Variants in RASSF8 observed in about 807,000 individuals in gnomAD.
RASSF8 encodes Ras association domain family member 8.
In RASSF8, 22 loss-of-function variants were observed where a neutral mutation model predicts 48.5. The ratio of observed to expected loss-of-function variants is 0.45; its 90% CI spans 0.32 to 0.65. The LOEUF is 0.65. Ranked by LOEUF, RASSF8 falls within the 30% of genes least tolerant of loss-of-function variation. The pLI is 0.03. For synonymous variants in RASSF8, 127 were observed against 171.5 expected (o/e 0.74, Z 2.03); for missense variants, 418 against 489.2 (o/e 0.85, Z 1.37).
Position 26,071,933 on chromosome 12 carries a change from C to A in RASSF8, c.*3115C>A. 1.0e-6 allele frequency: 1 copy of A among 985,322 alleles called. No homozygotes were observed. The highest frequency in any genetic ancestry group is 1.2e-6 in the Non-Finnish European group (1 of 829,850). The allele number at this position is 985,322 out of a possible 1,614,324, so 61.0% of individuals were successfully genotyped here. ...TACATCTGCATTAAAGGATAATTTT[C>A]TCTGTGAATAAGAGCAAAATGGTCT... On this transcript the variant is annotated 3_prime_UTR_variant, in exon 6 of 6. Transcript: ENST00000689635.
intron 3 of RASSF8, among the ~76,000 whole-genome samples, chr12:26,057,740 A>G (rs1313580276): frequency 1.3e-5 from 2 of 152,206 alleles, no homozygotes; most frequent in Admixed American, 6.6e-5. Flanking sequence ...TTACAGTCCC[A>G]CCAACAGTGT....
rs575571416 is a variant in RASSF8, at chr12:25,965,027, C to G, written c.-203+5879C>G. Among the ~76,000 whole-genome samples, 26 of 151,194 alleles carry G rather than the reference C, an allele frequency of 1.7e-4. 1 individual carries two copies. The East Asian group carries it at 5.2e-3, about 30-fold the overall frequency. ...GCACGATCTTGGCTCACTGCAAGCT[C>G]CGCCTCCCGGGTTCATGCCATTCTC... On this transcript the variant is annotated intron_variant, in intron 1 of 5. Coordinates refer to ENST00000689635, the MANE Select transcript of RASSF8 (RefSeq NM_001394098.1).
intron 2 of RASSF8, among the ~76,000 whole-genome samples, chr12:26,009,233 A>G (rs1414324472): frequency 2.6e-5 from 4 of 152,232 alleles, no homozygotes; most frequent in Non-Finnish European, 4.4e-5. Context: ...TTCCACACTC[A>G]TGATGGAATT....
downstream of RASSF8, among the ~76,000 whole-genome samples, chr12:26,077,344 G>T (rs7306344): frequency 0.81 from 123,636 of 152,130 alleles, 50,469 homozygotes; most frequent in African/African-American, 0.89. Context: ...CCCATGCCTA[G>T]GTCCTCAATA....
chr12:26,029,701 T>A (rs1161778335), intron 2 of RASSF8, among the ~76,000 whole-genome samples: 1 of 152,206 alleles, frequency 6.6e-6, no homozygotes, highest in Admixed American at 6.5e-5. Context: ...CTTTTGTTAT[T>A]AAAACTTAAA....
chr12:26,026,531 G>C (rs1293643176), intron 2 of RASSF8, among the ~76,000 whole-genome samples: 1 of 152,084 alleles, frequency 6.6e-6, no homozygotes, highest in African/African-American at 2.4e-5. Flanking sequence ...CACCTCCCGG[G>C]TTCAAGTGAC....
At chr12:26,029,289 G>T (rs576865070) in intron 2 of RASSF8, among the ~76,000 whole-genome samples, 9 of 152,278 alleles carry the variant, frequency 5.9e-5, no homozygotes, top group Non-Finnish European at 1.2e-4. Context: ...ATATGTTTTA[G>T]CTGGGGAAAG....
chr12:26,027,800 G>T (rs985832715), intron 2 of RASSF8, among the ~76,000 whole-genome samples: 6 of 152,130 alleles, frequency 3.9e-5, no homozygotes, highest in Non-Finnish European at 7.4e-5. Flanking sequence ...GGGAGAGAGG[G>T]GATAGAATGA....
At chr12:26,012,247 C>T (rs1942543803) in intron 2 of RASSF8, among the ~76,000 whole-genome samples, 1 of 152,164 alleles carries the variant, frequency 6.6e-6, no homozygotes, top group African/African-American at 2.4e-5. Context: ...TATTATGAGA[C>T]TTAAATAAAT....
intron 1 of RASSF8, among the ~76,000 whole-genome samples, chr12:25,973,147 C>A (rs1404613384): frequency 5.3e-5 from 8 of 152,078 alleles, no homozygotes; most frequent in Non-Finnish European, 8.8e-5. Context: ...TCAAGTGATC[C>A]TCCCTCCTCA....
At position 26,070,126 on chromosome 12, in the gene RASSF8, A is replaced by T. The variant is rs753778359; in HGVS notation, c.*1308A>T. On this transcript the variant is annotated 3_prime_UTR_variant, in exon 6 of 6. Coordinates refer to ENST00000689635, the MANE Select transcript of RASSF8 (RefSeq NM_001394098.1). ...CTCTGGTTAGATTTGGTACAGTATA[A>T]TTAAGACTTTAATCTGAAATTTAAA... 180 of 971,080 alleles carry T rather than the reference A, an allele frequency of 1.9e-4. No individual in the cohort carries two copies. The highest frequency in any genetic ancestry group is 2.1e-4 in the Non-Finnish European group (174 of 816,990). The allele number at this position is 971,080 out of a possible 1,614,324, so 60.2% of individuals were successfully genotyped here.
chr12:25,960,880 G>C (rs1316021465), intron 1 of RASSF8, among the ~76,000 whole-genome samples: 1 of 152,136 alleles, frequency 6.6e-6, no homozygotes, highest in African/African-American at 2.4e-5. Flanking sequence ...TGTGCTTCTG[G>C]AAAAAACAGT....
intron 2 of RASSF8, among the ~76,000 whole-genome samples, chr12:26,047,953 A>G (rs1943407474): frequency 6.6e-6 from 1 of 152,216 alleles, no homozygotes; most frequent in Non-Finnish European, 1.5e-5. Context: ...ATTTTGGGTA[A>G]TGAAATGTGA....
intron 1 of RASSF8, among the ~76,000 whole-genome samples, chr12:25,969,973 GCCT>G (rs1941447096): frequency 6.6e-6 from 1 of 151,990 alleles, no homozygotes; most frequent in African/African-American, 2.4e-5. Context: ...TCGCTCACCT[GCCT>G]CCTCAAGATT....
intron 2 of RASSF8, among the ~76,000 whole-genome samples, chr12:26,042,703 C>T (rs1397748336): frequency 6.6e-6 from 1 of 151,800 alleles, no homozygotes; most frequent in East Asian, 1.9e-4. Flanking sequence ...TTTGCTGTCC[C>T]TGAGCATTTT....
At chr12:26,020,608 C>T (rs1399668153) in intron 2 of RASSF8, 2 of 151,816 alleles carry the variant, frequency 1.3e-5, no homozygotes, top group Non-Finnish European at 1.5e-5. Context: ...AAAGTGAAAA[C>T]TAAATTGCCA....
At chr12:26,073,807 C>T (rs1323493481), downstream of RASSF8, among the ~76,000 whole-genome samples, 1 of 119,658 alleles carries the variant, frequency 8.4e-6, no homozygotes, top group Non-Finnish European at 1.6e-5. Flanking sequence ...TATACACACA[C>T]ATATATATAC....
At chr12:26,048,269 C>T (rs770096793) in intron 2 of RASSF8, among the ~76,000 whole-genome samples, 2 of 152,224 alleles carry the variant, frequency 1.3e-5, no homozygotes, top group Non-Finnish European at 2.9e-5. Flanking sequence ...CCATCATTCA[C>T]CCATCCCTGA....
intron 2 of RASSF8, among the ~76,000 whole-genome samples, chr12:26,009,219 T>C (rs1010933318): frequency 1.8e-4 from 27 of 152,246 alleles, no homozygotes; most frequent in African/African-American, 6.5e-4. Context: ...TGAATAAATT[T>C]TAATTCCACA....
Sources: gnomAD v4.1 joint callset for allele counts (sites outside exome capture counted in the v4.1 genomes callset) on GRCh38, gnomAD v4.1.1 for gene constraint, MANE v1.5 for transcripts, NCBI Gene and HGNC (gene_info 2026-07-23, HGNC 2026-07-21) for gene names.